Variants in IKBKE observed in about 807,000 individuals in gnomAD.
IKBKE encodes inhibitor of nuclear factor kappa B kinase subunit epsilon, also known as inhibitor of nuclear factor kappa-B kinase subunit epsilon.
Under a neutral mutation model 92.1 loss-of-function variants are expected in IKBKE, and 45 were observed. The ratio of observed to expected loss-of-function variants is 0.49; its 90% CI spans 0.38 to 0.63. The LOEUF (loss-of-function observed/expected upper bound fraction) is 0.63. Among genes scored for constraint, IKBKE ranks in the 20% least tolerant of loss-of-function variants. The pLI is 0.00. For missense variants in IKBKE, 700 were observed against 932.8 expected (o/e 0.75, Z 3.25); for synonymous variants, 374 against 380.3 (o/e 0.98, Z 0.19).
chr1:206,489,337 G>T (rs1012045884), intron 16 of IKBKE, among the ~76,000 whole-genome samples: 3 of 135,254 alleles, frequency 2.2e-5, no homozygotes, highest in Non-Finnish European at 4.6e-5. Context: ...TTTTATATAT[G>T]TGTGTATATG....
chr1:206,494,830 C>T (rs1340320660), intron 21 of IKBKE, among the ~76,000 whole-genome samples: 2 of 151,702 alleles, frequency 1.3e-5, no homozygotes, highest in Non-Finnish European at 2.9e-5. Flanking sequence ...TCTCAAACTC[C>T]TGGTCTCAGA....
In IKBKE at chr1:206,485,715, G is replaced by T. The variant is rs1352848145; in HGVS notation, c.1616+409G>T. ...TTTTTATAGAACCTCAGTCAGTGAG[G>T]TTAACTTACCCTGAGTCACAGCCAG... On this transcript the variant is annotated intron_variant, in intron 15 of 21. Transcript: ENST00000581977. The surrounding 1 kb of genome is among the most constrained non-coding windows in gnomAD (Gnocchi z 5.0). Among the ~76,000 whole-genome samples the T allele has an allele frequency of 1.3e-5, 2 of 152,202 alleles. No homozygotes were observed. The highest frequency in any genetic ancestry group is 2.9e-5 in the Non-Finnish European group (2 of 68,036).
Position 206,491,649 on chromosome 1 carries a change from G to T in IKBKE, c.1735G>T (p.Val579Leu). 6.2e-7 allele frequency: 1 copy of T among 1,611,628 alleles called. No individual in the cohort carries two copies. The highest frequency in any genetic ancestry group is 8.5e-7 in the Non-Finnish European group (1 of 1,178,116). ...CACCTTGGTTCTCTGTCGTTCTAGG[G>T]TGAATTTCAGTCATTTAGCCAAAAG... ...NEEQIHKLDKVNFSHLAKRLL... is the reference protein window; with the variant it reads ...NEEQIHKLDKLNFSHLAKRLL... The change falls in exon 18 of 22, where the codon GTG (valine) becomes TTG (leucine). Residue 579 changes from valine (V) to leucine (L), a missense_variant and splice_region_variant. Physicochemically the swap from Val to Leu is conservative, Grantham distance 32 (BLOSUM62 1). Transcript: ENST00000581977.
In IKBKE at chr1:206,487,008, G is replaced by A. The variant is rs1009261528; in HGVS notation, c.1617-906G>A. Among the ~76,000 whole-genome samples the A allele has an allele frequency of 2.6e-5, 4 of 152,204 alleles. No individual in the cohort carries two copies. Among genetic ancestry groups the A allele is most frequent in the Non-Finnish European group, 5.9e-5 (4 of 68,030 alleles). On this transcript the variant is annotated intron_variant, in intron 15 of 21. Transcript: ENST00000581977. This position sits in a 1 kb window ranked among gnomAD's most constrained non-coding sequence, Gnocchi z 5.3. ...ATGAAGGCTGTGGATCCCAGGCCTT[G>A]TCTTTTGGATGAAGGCTGTGGATCT... is the stretch of plus-strand genomic sequence containing the variant.
In IKBKE at chr1:206,496,804, G is replaced by C. The variant is rs41299896; in HGVS notation, c.*659G>C. 3,097 of 231,438 alleles carry C rather than the reference G, an allele frequency of 0.013. 105 individuals carry two copies. Among genetic ancestry groups the C allele is most frequent in the African/African-American group, 0.064 (2,904 of 45,312 alleles). The allele number at this position is 231,438 out of a possible 1,614,324, so 14.3% of individuals were successfully genotyped here. On this transcript the variant is annotated 3_prime_UTR_variant, in exon 22 of 22. Coordinates refer to ENST00000581977, the MANE Select transcript of IKBKE (RefSeq NM_014002.4). ...ACTCTCTGAGGCTCCAGCTGGTCCT[G>C]GGACATGCAGCCAGGACTGTGAGTC...
chr1:206,475,402 G>T (rs1572238353), intron 5 of IKBKE, among the ~76,000 whole-genome samples: 1 of 152,302 alleles, frequency 6.6e-6, no homozygotes, highest in Non-Finnish European at 1.5e-5. Context: ...GCTGGGGGCA[G>T]AGGAGAATGA....
chr1:206,477,867 G>A lies in IKBKE; in HGVS notation c.812+8G>A. On this transcript the variant is annotated splice_region_variant and intron_variant, in intron 8 of 21. Transcript: ENST00000581977. ...CACCTGCCAGCTGTCACTGTGAGTG[G>A]GACCCTGCTGGGGGGTGATGCTGGA... 2 of 1,513,198 alleles carry A rather than the reference G, an allele frequency of 1.3e-6. No homozygotes were observed. The highest frequency in any genetic ancestry group is 1.8e-6 in the Non-Finnish European group (2 of 1,112,528). 93.7% of individuals were successfully genotyped at this position (1,513,198 alleles called of 1,614,324 possible).
rs540205249 is a variant in IKBKE at position 206,476,709 on chromosome 1, G to A, written c.572G>A (p.Arg191Gln). Residue 191 changes from arginine (R) to glutamine (Q), a missense_variant, in exon 7 of 22, where the codon CGA becomes CAA. Arg to Gln is a conservative substitution (Grantham distance 43). Transcript: ENST00000581977. This position sits in a 1 kb window ranked among gnomAD's most constrained non-coding sequence, Gnocchi z 5.1. ...HPDMYERAVL[R>Q]KPQQKAFGVT... ...GACATGTATGAGCGGGCGGTGCTTC[G>A]AAAGCCCCAGCAAAAAGCGTTCGGG... 6.2e-6 allele frequency: 10 copies of A among 1,614,204 alleles called. No homozygotes were observed. Among genetic ancestry groups the A allele is most frequent in the East Asian group, 2.2e-5 (1 of 44,880 alleles).
chr1:206,494,016 G>A (rs782670749), intron 21 of IKBKE, 25 bp downstream of exon 21: 1 of 1,606,988 alleles, frequency 6.2e-7, no homozygotes, highest in Admixed American at 1.7e-5. Context: ...CCTTGTGTAG[G>A]TCAGGGCCGG....
chr1:206,493,301 C>T lies in IKBKE; in HGVS notation c.1968C>T (p.Asp656=), dbSNP rs782267590. 1 of 1,614,032 alleles carries T rather than the reference C, an allele frequency of 6.2e-7. No homozygotes were observed. The highest frequency in any genetic ancestry group is 8.5e-7 in the Non-Finnish European group (1 of 1,180,000). ...LEELSHQLLQ[D]RAKGAQASPP... ...AGCTATCTCACCAGCTCCTTCAGGA[C>T]CGAGCAAAGGGGGCTCAGGCCTCGC... Residue 656 remains aspartate (D), a synonymous_variant, in exon 20 of 22, where the codon GAC becomes GAT. Transcript: ENST00000581977.
intron 3 of IKBKE, 86 bp from the exon 4 acceptor site, chr1:206,474,245 G>T: frequency 7.5e-7 from 1 of 1,328,260 alleles, no homozygotes; most frequent in Non-Finnish European, 1.1e-6. Context: ...CTGAATGGAG[G>T]CCCAGGAGAG....
At chr1:206,472,587 TCACA>T (rs57402838) in intron 2 of IKBKE, among the ~76,000 whole-genome samples, 69 of 150,072 alleles carry the variant, frequency 4.6e-4, no homozygotes, top group Admixed American at 2.7e-3. Flanking sequence ...ACACACACTC[TCACA>T]CACACACACA....
intron 16 of IKBKE, among the ~76,000 whole-genome samples, chr1:206,488,324 T>C (rs1425162303): frequency 6.6e-6 from 1 of 152,188 alleles, no homozygotes; most frequent in Non-Finnish European, 1.5e-5. Context: ...GAAAGAGATC[T>C]CGCACCTTGG....
At chr1:206,489,399 AT>A in intron 16 of IKBKE, among the ~76,000 whole-genome samples, 1 of 142,818 alleles carries the variant, frequency 7.0e-6, no homozygotes, top group Non-Finnish European at 1.5e-5. Context: ...ATATATATAT[AT>A]ACACACACAC....
chr1:206,478,290 T>G lies in IKBKE; in HGVS notation c.943T>G (p.Ser315Ala). 1 of 1,614,096 alleles carries G rather than the reference T, an allele frequency of 6.2e-7. No individual in the cohort carries two copies. Among genetic ancestry groups the G allele is most frequent in the Non-Finnish European group, 8.5e-7 (1 of 1,180,034 alleles). Reference protein sequence around the residue: ...ILQRVVVHVFSLSQAVLHHIY... With the variant: ...ILQRVVVHVFALSQAVLHHIY... ...GCAGCGAGTTGTCGTCCATGTCTTC[T>G]CCCTGTCCCAGGCAGTCCTGCACCA... The change falls in exon 9 of 22, where the codon TCC becomes GCC. Residue 315 changes from serine to alanine, a missense_variant. Coordinates refer to ENST00000581977, the MANE Select transcript of IKBKE (RefSeq NM_014002.4). This position sits in a 1 kb window ranked among gnomAD's most constrained non-coding sequence, Gnocchi z 4.8.
intron 16 of IKBKE, among the ~76,000 whole-genome samples, chr1:206,489,002 T>C (rs1214723435): frequency 6.6e-6 from 1 of 151,920 alleles, no homozygotes; most frequent in African/African-American, 2.4e-5. Flanking sequence ...TACACATAAA[T>C]ATATAACTTA....
intron 2 of IKBKE, among the ~76,000 whole-genome samples, chr1:206,472,530 C>A (rs1444068710): frequency 5.9e-5 from 9 of 151,950 alleles, no homozygotes; most frequent in African/African-American, 2.2e-4. Context: ...CCTGCTCTCA[C>A]ACACACACCC....
At chr1:206,474,195 C>G in intron 3 of IKBKE, 136 bp from the exon 4 acceptor site, 1 of 793,436 alleles carries the variant, frequency 1.3e-6, no homozygotes, top group Middle Eastern at 3.9e-4. Context: ...GAGCCCCCAT[C>G]CAACCAGGCT....
chr1:206,479,235 T>C lies in IKBKE; in HGVS notation c.1183+102T>C, dbSNP rs114606086. ...TTGGTTACTTTTCTTTGTGGGTGTT[T>C]CTTTGGGGCCACAGGGAGCAGGAGG... On this transcript the variant is annotated intron_variant, in intron 10 of 21. Transcript: ENST00000581977. 2,105 of 978,928 alleles carry C rather than the reference T, an allele frequency of 2.2e-3. 28 individuals are homozygous for C. The African/African-American group carries it at 0.03, about 14-fold the overall frequency. 60.6% of individuals were successfully genotyped at this position (978,928 alleles called of 1,614,324 possible). A position where few individuals can be genotyped will look rare whatever the true frequency, so the allele number is the denominator to read the frequency against.
Sources: gnomAD v4.1 joint callset for allele counts (sites outside exome capture counted in the v4.1 genomes callset) on GRCh38, gnomAD v4.1.1 for gene constraint, Gnocchi (gnomAD v3.1) non-coding constraint, MANE v1.5 for transcripts, NCBI Gene and HGNC (gene_info 2026-07-23, HGNC 2026-07-21) for gene names.